Variants in TOPBP1 observed in about 807,000 individuals in gnomAD.
The protein encoded by TOPBP1 is DNA topoisomerase 2-binding protein 1.
A neutral mutation model predicts 167.7 loss-of-function variants in TOPBP1; 28 were observed. The observed-to-expected ratio is 0.17, with a 90% confidence interval of 0.12 to 0.23. TOPBP1 has a LOEUF of 0.23. Ranked by LOEUF, TOPBP1 falls within the 10% of genes least tolerant of loss-of-function variation. The pLI is 1.00. For missense variants in TOPBP1, 1,554 were observed against 1,809.6 expected, an observed-to-expected ratio of 0.86 and a Z score of 2.56; for synonymous variants, 598 against 611.4, an observed-to-expected ratio of 0.98 and a Z score of 0.32.
intron 14 of TOPBP1, among the ~76,000 whole-genome samples, chr3:133,629,697 A>G (rs1014025269): frequency 1.3e-5 from 2 of 152,324 alleles, no homozygotes; most frequent in African/African-American, 4.8e-5. Context: ...TGACAATCTG[A>G]TAAGACTAAA....
At position 133,651,606 on chromosome 3, in the gene TOPBP1, C is replaced by T. The variant is rs745693016; in HGVS notation, c.1089+857G>A. On this transcript the variant is annotated intron_variant, in intron 8 of 27. Coordinates refer to ENST00000260810, the MANE Select transcript of TOPBP1 (RefSeq NM_007027.4). ...CATTAAGTATTCCAATCTAAGACAG[C>T]GGAAAAAGTATAGCATATGCTGTTT... Among the ~76,000 whole-genome samples, 24 of 152,052 alleles carry T rather than the reference C, an allele frequency of 1.6e-4. No individual in the cohort carries two copies. In the East Asian group the frequency reaches 2.1e-3, roughly 13 times the overall value.
chr3:133,650,378 A>G (rs954131573), intron 8 of TOPBP1, among the ~76,000 whole-genome samples: 36 of 58,998 alleles, frequency 6.1e-4, no homozygotes, highest in Admixed American at 1.6e-3. Flanking sequence ...GGGCGGGGGG[A>G]GGGGTTGTTT....
intron 27 of TOPBP1, among the ~76,000 whole-genome samples, chr3:133,603,294 A>C (rs11711706): frequency 0.14 from 21,069 of 152,244 alleles, 1,829 homozygotes; most frequent in Non-Finnish European, 0.2. Flanking sequence ...AAATTCTAAA[A>C]ATATTAAACT....
intron 20 of TOPBP1, among the ~76,000 whole-genome samples, chr3:133,618,740 T>C (rs1380539515): frequency 6.6e-6 from 1 of 152,090 alleles, no homozygotes; most frequent in Non-Finnish European, 1.5e-5. Flanking sequence ...ACTAAAGTAA[T>C]TGGTACATTT....
Position 133,623,341 on chromosome 3 carries a change from G to A in TOPBP1, c.3045C>T (p.Leu1015=), listed in dbSNP as rs201374129. 1.4e-5 allele frequency: 22 copies of A among 1,613,550 alleles called. No individual in the cohort carries two copies. Among genetic ancestry groups the A allele is most frequent in the Non-Finnish European group, 1.9e-5 (22 of 1,179,788 alleles). ...CATCCTTTGTTGAAGACACAGCTGA[G>A]AGTAGTCGACTATTACAGAGCCGGC... ...QDGRLCNSRL[L]SAVSSTKDDE... is the part of the protein sequence containing the mutation. The change falls in exon 18 of 28, where the codon CTC becomes CTT. Residue 1015 remains leucine, a synonymous_variant. Coordinates refer to ENST00000260810, the MANE Select transcript of TOPBP1 (RefSeq NM_007027.4).
chr3:133,622,185 GTTTTTTTTTTT>G, intron 19 of TOPBP1, among the ~76,000 whole-genome samples: 1 of 106,438 alleles, frequency 9.4e-6, no homozygotes, highest in East Asian at 2.7e-4. Context: ...CACCATTTAT[GTTTTTTTTTTT>G]TTTTTTTTTT....
chr3:133,617,509 G>C, intron 21 of TOPBP1, 183 bp from the exon 22 acceptor site: 1 of 509,890 alleles, frequency 2.0e-6, no homozygotes, highest in Non-Finnish European at 3.2e-6. Context: ...ATCTGCATGT[G>C]ACAATAATAA....
At chr3:133,621,216 T>C (rs1372629754) in intron 19 of TOPBP1, among the ~76,000 whole-genome samples, 1 of 152,104 alleles carries the variant, frequency 6.6e-6, no homozygotes, top group Non-Finnish European at 1.5e-5. Context: ...TCTCACTATG[T>C]TGCCCAGGCT....
At chr3:133,614,240 C>A (rs1285053372) in intron 23 of TOPBP1, among the ~76,000 whole-genome samples, 1 of 152,190 alleles carries the variant, frequency 6.6e-6, no homozygotes, top group Non-Finnish European at 1.5e-5. Flanking sequence ...TTAATTCTCA[C>A]AACCATATGA....
chr3:133,643,613 TAG>T (rs1377377066), intron 11 of TOPBP1, among the ~76,000 whole-genome samples: 2 of 152,168 alleles, frequency 1.3e-5, no homozygotes, highest in African/African-American at 4.8e-5. Context: ...GATCTATTAT[TAG>T]AGTTACTGAA....
intron 10 of TOPBP1, among the ~76,000 whole-genome samples, chr3:133,644,840 G>C (rs1576307836): frequency 6.6e-6 from 1 of 152,176 alleles, no homozygotes; most frequent in African/African-American, 2.4e-5. Flanking sequence ...TAGAGAAAAA[G>C]TTTGCCCTGC....
intron 19 of TOPBP1, among the ~76,000 whole-genome samples, chr3:133,622,055 G>A (rs1935104981): frequency 6.6e-6 from 1 of 151,218 alleles, no homozygotes; most frequent in South Asian, 2.1e-4. Flanking sequence ...GGAAAGGGAG[G>A]GAAGGAAGGA....
At chr3:133,633,019 C>T (rs1028325152) in intron 14 of TOPBP1, among the ~76,000 whole-genome samples, 2 of 152,252 alleles carry the variant, frequency 1.3e-5, no homozygotes, top group African/African-American at 2.4e-5. Context: ...GTGATCCTCC[C>T]GTCTTGGGCT....
Position 133,649,515 on chromosome 3 carries a change from G to A in TOPBP1, c.1372C>T (p.Pro458Ser). The change falls in exon 10 of 28, where the codon CCT becomes TCT. Residue 458 changes from proline to serine, a missense_variant. Physicochemically the swap from Pro to Ser is moderately conservative, Grantham distance 74. This residue lies in a region of TOPBP1 where 1,197 missense variants were observed against 1,351.5 expected (regional missense o/e 0.89). Transcript: ENST00000260810. Reference sequence around the variant, plus strand: ...TTTAAAAGAGCTGCTTTACTTTCAGGCTTATGTGAAACTGGAATTTCCACT... The same window carrying A: ...TTTAAAAGAGCTGCTTTACTTTCAGACTTATGTGAAACTGGAATTTCCACT... ...QPVEIPVSHKPESKAALLKKK... is the reference protein window; with the variant it reads ...QPVEIPVSHKSESKAALLKKK... 1.9e-6 allele frequency: 3 copies of A among 1,613,844 alleles called. No homozygotes were observed. Among genetic ancestry groups the A allele is most frequent in the Non-Finnish European group, 2.5e-6 (3 of 1,179,864 alleles).
At position 133,600,980 on chromosome 3, in the gene TOPBP1, T is replaced by C. The variant is rs1485328133; in HGVS notation, c.*270A>G. On this transcript the variant is annotated 3_prime_UTR_variant, in exon 28 of 28. Transcript: ENST00000260810. ...CAGATATTTACAAGAAAAATAAATA[T>C]CTTTTAACAGACTTCAATGTGGTTT... is the stretch of plus-strand genomic sequence containing the variant. 1 of 205,948 alleles carries C rather than the reference T, an allele frequency of 4.9e-6. No individual in the cohort carries two copies. The highest frequency in any genetic ancestry group is 9.7e-6 in the Non-Finnish European group (1 of 103,468). 12.8% of individuals were successfully genotyped at this position (205,948 alleles called of 1,614,324 possible).
chr3:133,629,468 A>C (rs1017851368), intron 14 of TOPBP1, among the ~76,000 whole-genome samples: 3 of 152,202 alleles, frequency 2.0e-5, no homozygotes, highest in Non-Finnish European at 4.4e-5. Context: ...TCCTGTCAGT[A>C]ATCTCAGCTA....
chr3:133,654,558 C>T (rs528714930), intron 6 of TOPBP1, among the ~76,000 whole-genome samples: 56 of 152,180 alleles, frequency 3.7e-4, no homozygotes, highest in Middle Eastern at 3.4e-3. Flanking sequence ...ACCATTTAAT[C>T]GTAATTTCTT....
rs747189505 is a variant in TOPBP1 at position 133,639,941 on chromosome 3, C to T, written c.2233+18G>A. ...CTAGTTGTAAATATATATAAAAGAA[C>T]AGAATAAAAGTATTAACCTTCTTTA... On this transcript the variant is annotated intron_variant, in intron 13 of 27. Transcript: ENST00000260810. 1 of 1,607,488 alleles carries T rather than the reference C, an allele frequency of 6.2e-7. No individual in the cohort carries two copies. Among genetic ancestry groups the T allele is most frequent in the Non-Finnish European group, 8.5e-7 (1 of 1,175,830 alleles).
chr3:133,605,633 C>T (rs1934466319), intron 27 of TOPBP1, among the ~76,000 whole-genome samples: 1 of 152,060 alleles, frequency 6.6e-6, no homozygotes, highest in Non-Finnish European at 1.5e-5. Flanking sequence ...GACTCTTCCT[C>T]AATCTGGAAA....
Sources: gnomAD v4.1 joint callset for allele counts (sites outside exome capture counted in the v4.1 genomes callset) on GRCh38, gnomAD v4.1.1 for gene constraint, gnomAD v4.1.1 regional missense constraint, MANE v1.5 for transcripts, NCBI Gene and HGNC (gene_info 2026-07-23, HGNC 2026-07-21) for gene names.